Variants in NKAIN2 observed in about 807,000 individuals in gnomAD.
NKAIN2 encodes sodium/potassium transporting ATPase interacting 2.
In NKAIN2, 14 loss-of-function variants were observed where a neutral mutation model predicts 32.6. That is an observed-to-expected ratio of 0.43 (90% confidence interval 0.28 to 0.67). The LOEUF (loss-of-function observed/expected upper bound fraction) is 0.67. Among genes scored for constraint, NKAIN2 ranks in the 30% least tolerant of loss-of-function variants. The probability of loss-of-function intolerance (pLI) is 0.17; values close to 1 mark genes in which losing one functional copy is unlikely to be tolerated. For missense variants in NKAIN2, 198 were observed against 258.3 expected (o/e 0.77, Z 1.60); for synonymous variants, 80 against 87.2 (o/e 0.92, Z 0.46).
chr6:124,327,756 T>C (rs561856538), intron 2 of NKAIN2, among the ~76,000 whole-genome samples: 1 of 152,238 alleles, frequency 6.6e-6, no homozygotes, highest in African/African-American at 2.4e-5. Flanking sequence ...TATAAAGTGG[T>C]TGAAATAAAT....
intron 2 of NKAIN2, among the ~76,000 whole-genome samples, chr6:124,332,519 C>T (rs539095017): frequency 6.6e-6 from 1 of 152,270 alleles, no homozygotes; most frequent in East Asian, 1.9e-4. Context: ...CACATTTGAT[C>T]AAGTAGCATA....
intron 3 of NKAIN2, among the ~76,000 whole-genome samples, chr6:124,389,741 GTGTGTGT>G (rs1583172892): frequency 6.6e-6 from 1 of 151,120 alleles, no homozygotes; most frequent in African/African-American, 2.4e-5. Flanking sequence ...GTGTGTGTGT[GTGTGTGT>G]GTGGGTTTGA....
chr6:123,939,192 T>G (rs1776701351), intron 1 of NKAIN2, among the ~76,000 whole-genome samples: 1 of 152,018 alleles, frequency 6.6e-6, no homozygotes, highest in African/African-American at 2.4e-5. Flanking sequence ...AATGAAGTCA[T>G]AGAGTGCCAA....
intron 1 of NKAIN2, among the ~76,000 whole-genome samples, chr6:123,967,686 A>AG (rs1554230510): frequency 6.6e-6 from 1 of 152,084 alleles, no homozygotes; most frequent in Non-Finnish European, 1.5e-5. Flanking sequence ...GTGAAAAAAA[A>AG]GGGGGGGAGT....
chr6:124,298,798 C>G (rs568754511), intron 2 of NKAIN2, among the ~76,000 whole-genome samples: 16 of 152,200 alleles, frequency 1.1e-4, no homozygotes, highest in African/African-American at 3.9e-4. Context: ...TATCATTAAA[C>G]CACTTTAGAA....
intron 4 of NKAIN2, among the ~76,000 whole-genome samples, chr6:124,719,230 A>T (rs1775904098): frequency 6.6e-6 from 1 of 152,188 alleles, no homozygotes; most frequent in East Asian, 1.9e-4. Flanking sequence ...AACCTATTCC[A>T]TAAAATTGGG....
chr6:124,683,556 T>C (rs558250589), intron 4 of NKAIN2, among the ~76,000 whole-genome samples: 14 of 152,188 alleles, frequency 9.2e-5, no homozygotes, highest in African/African-American at 3.4e-4. Flanking sequence ...AAACCCCATA[T>C]AGAGGAGAAG....
At chr6:124,115,119 G>A (rs563106176) in intron 1 of NKAIN2, among the ~76,000 whole-genome samples, 1 of 152,158 alleles carries the variant, frequency 6.6e-6, no homozygotes, top group South Asian at 2.1e-4. Context: ...TTTGTATTGA[G>A]GTGTAATATA....
chr6:124,733,956 G>C (rs4280981), intron 4 of NKAIN2, among the ~76,000 whole-genome samples: 84,002 of 151,074 alleles, frequency 0.56, 23,725 homozygotes, highest in East Asian at 0.71. Flanking sequence ...TCTAACACCA[G>C]TCTTCAATAA....
At chr6:124,342,242 A>G (rs932327944) in intron 2 of NKAIN2, among the ~76,000 whole-genome samples, 5 of 151,624 alleles carry the variant, frequency 3.3e-5, no homozygotes, top group African/African-American at 1.2e-4. Flanking sequence ...TCTACTAAAA[A>G]AAAAAAATAC....
intron 1 of NKAIN2, among the ~76,000 whole-genome samples, chr6:124,006,052 A>G (rs1365016955): frequency 6.6e-6 from 1 of 152,138 alleles, no homozygotes; most frequent in African/African-American, 2.4e-5. Context: ...TTGTTATGCT[A>G]TTTGCGTAGG....
At chr6:123,904,700 C>A (rs1278913553) in intron 1 of NKAIN2, among the ~76,000 whole-genome samples, 2 of 152,174 alleles carry the variant, frequency 1.3e-5, no homozygotes, top group African/African-American at 4.8e-5. Context: ...CTGATACATA[C>A]TTGTTTTGAC....
At chr6:124,595,764 C>T (rs1782062733) in intron 3 of NKAIN2, among the ~76,000 whole-genome samples, 1 of 152,166 alleles carries the variant, frequency 6.6e-6, no homozygotes, top group Admixed American at 6.5e-5. Context: ...TCCACCCCTA[C>T]AAATATTAAG....
At chr6:124,311,422 G>T (rs545597100) in intron 2 of NKAIN2, among the ~76,000 whole-genome samples, 1 of 152,056 alleles carries the variant, frequency 6.6e-6, no homozygotes, top group South Asian at 2.1e-4. Context: ...GTGGCCATGC[G>T]CTCACATGCT....
intron 3 of NKAIN2, among the ~76,000 whole-genome samples, chr6:124,600,160 G>T (rs546799723): frequency 2.6e-5 from 4 of 151,990 alleles, no homozygotes; most frequent in African/African-American, 9.7e-5. Context: ...CTACAGTTCC[G>T]GGTGTTGTTT....
intron 5 of NKAIN2, among the ~76,000 whole-genome samples, chr6:124,815,221 TATAC>T (rs1284353657): frequency 9.6e-6 from 1 of 104,184 alleles, no homozygotes; most frequent in Admixed American, 9.8e-5. Context: ...AAACTATATA[TATAC>T]ATATATATAT....
chr6:124,233,106 C>G (rs1216725651), intron 1 of NKAIN2, among the ~76,000 whole-genome samples: 2 of 151,880 alleles, frequency 1.3e-5, no homozygotes, highest in Non-Finnish European at 2.9e-5. Context: ...GACCTATGAG[C>G]TACCATCATA....
At chr6:124,551,396 G>A (rs1207397794) in intron 3 of NKAIN2, among the ~76,000 whole-genome samples, 1 of 152,140 alleles carries the variant, frequency 6.6e-6, no homozygotes, top group Non-Finnish European at 1.5e-5. Flanking sequence ...CAGTGGTGTT[G>A]CCATCTTCTC....
intron 3 of NKAIN2, among the ~76,000 whole-genome samples, chr6:124,386,961 A>C (rs759853107): frequency 3.9e-5 from 6 of 152,116 alleles, no homozygotes; most frequent in Non-Finnish European, 5.9e-5. Context: ...AGCAGAATTC[A>C]TGTTGCTCTA....
Sources: gnomAD v4.1 joint callset for allele counts (sites outside exome capture counted in the v4.1 genomes callset) on GRCh38, gnomAD v4.1.1 for gene constraint, MANE v1.5 for transcripts, NCBI Gene and HGNC (gene_info 2026-07-23, HGNC 2026-07-21) for gene names.